Variants in FRMD4A observed in about 807,000 individuals in gnomAD.
The protein encoded by FRMD4A is FERM domain-containing protein 4A.
Under a neutral mutation model 129.1 loss-of-function variants are expected in FRMD4A, and 29 were observed. That is an observed-to-expected ratio of 0.22 (90% confidence interval 0.17 to 0.31). The LOEUF is 0.31. Among genes scored for constraint, FRMD4A ranks in the 10% least tolerant of loss-of-function variants. FRMD4A has a pLI of 1.00. For synonymous variants in FRMD4A, 634 were observed against 571.6 expected (o/e 1.11, Z -1.56); for missense variants, 1,272 against 1,375.8 (o/e 0.92, Z 1.19).
intron 18 of FRMD4A, among the ~76,000 whole-genome samples, chr10:13,664,694 C>T (rs2082878220): frequency 7.7e-6 from 1 of 129,172 alleles, no homozygotes; most frequent in Admixed American, 7.9e-5. Flanking sequence ...ATCACATTTA[C>T]CATGTTAACA....
intron 2 of FRMD4A, among the ~76,000 whole-genome samples, chr10:14,230,737 T>G (rs1197295300): frequency 6.6e-6 from 1 of 152,208 alleles, no homozygotes; most frequent in African/African-American, 2.4e-5. Context: ...ACCCAGGTAA[T>G]GAACACAGTA....
rs1310575537 is a variant in FRMD4A, at chr10:14,305,950, C to A, written c.45+24108G>T. On this transcript the variant is annotated intron_variant, in intron 2 of 24. Transcript: ENST00000357447. ...GAACACATGGACACATAGGGAGAAACAAAACACATTGGGACCTATTTGGCG... is the reference window on the plus strand; with the variant it reads ...GAACACATGGACACATAGGGAGAAAAAAAACACATTGGGACCTATTTGGCG... Among the ~76,000 whole-genome samples, 5 of 152,046 alleles carry A rather than the reference C, an allele frequency of 3.3e-5. No individual in the cohort carries two copies. In the East Asian group the frequency reaches 9.6e-4, roughly 29 times the overall value.
chr10:13,904,482 C>T (rs1248978628), intron 2 of FRMD4A, among the ~76,000 whole-genome samples: 1 of 152,216 alleles, frequency 6.6e-6, no homozygotes, highest in Non-Finnish European at 1.5e-5. Context: ...ACCACCTTTG[C>T]ATATGTCTTT....
At chr10:14,154,842 A>G (rs892914755) in intron 2 of FRMD4A, among the ~76,000 whole-genome samples, 5 of 152,168 alleles carry the variant, frequency 3.3e-5, no homozygotes, top group Non-Finnish European at 7.4e-5. Context: ...CTTAGCTTAC[A>G]TTTGGCAGAA....
chr10:13,902,053 G>A (rs1249199249), intron 2 of FRMD4A, among the ~76,000 whole-genome samples: 1 of 152,192 alleles, frequency 6.6e-6, no homozygotes, highest in Non-Finnish European at 1.5e-5. Context: ...GTCTCACACT[G>A]TCATCCAGGC....
chr10:13,982,305 A>G (rs532898262), intron 2 of FRMD4A, among the ~76,000 whole-genome samples: 25 of 152,062 alleles, frequency 1.6e-4, no homozygotes, highest in African/African-American at 5.5e-4. Context: ...GCAACATAGG[A>G]GGACCCCATC....
chr10:14,194,696 A>C lies in FRMD4A; in HGVS notation c.45+135362T>G, dbSNP rs1463923392. 3.9e-5 allele frequency among the ~76,000 whole-genome samples: 6 copies of C among 152,158 alleles called. No individual in the cohort carries two copies. In the East Asian group the frequency reaches 1.2e-3, roughly 29 times the overall value. On this transcript the variant is annotated intron_variant, in intron 2 of 24. Coordinates refer to ENST00000357447, the MANE Select transcript of FRMD4A (RefSeq NM_018027.5). ...TCATTTCTGAGATGTCAAGAGGATA[A>C]ACTTTCTGGAATCTCTTATTTTATG...
At chr10:14,049,545 AT>A (rs971094299) in intron 2 of FRMD4A, among the ~76,000 whole-genome samples, 1 of 152,074 alleles carries the variant, frequency 6.6e-6, no homozygotes, top group Non-Finnish European at 1.5e-5. Flanking sequence ...TAAAGTAAAT[AT>A]TTTTTTCCTC....
chr10:13,774,726 C>T (rs1184655461), intron 6 of FRMD4A, among the ~76,000 whole-genome samples: 1 of 152,086 alleles, frequency 6.6e-6, no homozygotes, highest in Non-Finnish European at 1.5e-5. Flanking sequence ...TGCTTAGTTT[C>T]TAAGTGTGAA....
intron 24 of FRMD4A, chr10:13,647,316 T>G (rs917983651): frequency 2.0e-5 from 3 of 152,174 alleles, no homozygotes; most frequent in Non-Finnish European, 2.9e-5. Flanking sequence ...CGTGGCTGCA[T>G]CCGGGGAGCA....
chr10:14,146,483 C>T (rs1211408406), intron 2 of FRMD4A, among the ~76,000 whole-genome samples: 1 of 152,194 alleles, frequency 6.6e-6, no homozygotes, highest in Non-Finnish European at 1.5e-5. Context: ...TTTTGATCCC[C>T]TCTCTGTTCA....
chr10:14,134,350 T>C (rs1011977491), intron 2 of FRMD4A, among the ~76,000 whole-genome samples: 13 of 150,500 alleles, frequency 8.6e-5, no homozygotes, highest in African/African-American at 2.9e-4. Context: ...AGTGGATGAA[T>C]TGATGAATGG....
intron 14 of FRMD4A, among the ~76,000 whole-genome samples, chr10:13,694,558 A>C (rs1330221816): frequency 6.6e-6 from 1 of 152,236 alleles, no homozygotes; most frequent in East Asian, 1.9e-4. Context: ...AATGATTTTC[A>C]GTGCTGTGAA....
At chr10:14,330,244 C>T (rs1843463645) in intron 1 of FRMD4A, 61 bp from the exon 2 acceptor site, 2 of 758,772 alleles carry the variant, frequency 2.6e-6, no homozygotes, top group East Asian at 2.7e-5. Context: ...GGAAGATAGG[C>T]CACCTTTCAC....
At chr10:13,687,313 A>C (rs1247026066) in intron 15 of FRMD4A, among the ~76,000 whole-genome samples, 1 of 152,072 alleles carries the variant, frequency 6.6e-6, no homozygotes, top group Non-Finnish European at 1.5e-5. Flanking sequence ...AAAATGAATG[A>C]ATGAATGAGC....
intron 2 of FRMD4A, among the ~76,000 whole-genome samples, chr10:14,138,761 A>G (rs977438803): frequency 2.1e-5 from 3 of 144,728 alleles, no homozygotes; most frequent in Non-Finnish European, 3.2e-5. Context: ...CCATCTAAAA[A>G]AAAAAGAAAA....
At chr10:14,208,645 C>G (rs1474379004) in intron 2 of FRMD4A, among the ~76,000 whole-genome samples, 2 of 152,112 alleles carry the variant, frequency 1.3e-5, no homozygotes, top group African/African-American at 2.4e-5. Context: ...CCCCTGCCTA[C>G]AGGCTTGGAA....
chr10:14,136,822 C>T (rs1233590421), intron 2 of FRMD4A, among the ~76,000 whole-genome samples: 2 of 152,190 alleles, frequency 1.3e-5, no homozygotes, highest in Non-Finnish European at 2.9e-5. Context: ...TCATCAGGAC[C>T]TCCTGAGGTT....
chr10:13,842,142 T>TG (rs1237208521), intron 3 of FRMD4A, among the ~76,000 whole-genome samples: 1 of 152,180 alleles, frequency 6.6e-6, no homozygotes, highest in African/African-American at 2.4e-5. Flanking sequence ...CAGAGGGGTT[T>TG]GGGGTCAACA....
Sources: allele counts gnomAD v4.1 joint callset (sites outside exome capture counted in the v4.1 genomes callset), GRCh38; gene constraint gnomAD v4.1.1; transcripts MANE v1.5; gene names NCBI Gene and HGNC (gene_info 2026-07-23, HGNC 2026-07-21).